The following PSD3 variants were observed in gnomAD, a reference collection of about 807,000 sequenced individuals.
The protein encoded by PSD3 is pleckstrin and Sec7 domain containing 3.
A neutral mutation model predicts 105.5 loss-of-function variants in PSD3; 49 were observed. The ratio of observed to expected loss-of-function variants is 0.46; its 90% CI spans 0.37 to 0.59. The LOEUF is 0.59. PSD3 is among the 20% of genes least tolerant of loss of function. PSD3 has a pLI of 0.00. For missense variants in PSD3, 1,561 were observed against 1,263.8 expected (o/e 1.24, Z -3.57); for synonymous variants, 557 against 457.8 (o/e 1.22, Z -2.77).
At chr8:18,695,459 G>A (rs1012417646) in intron 9 of PSD3, among the ~76,000 whole-genome samples, 1 of 152,162 alleles carries the variant, frequency 6.6e-6, no homozygotes, top group South Asian at 2.1e-4. Flanking sequence ...TATGCCAGAA[G>A]ACCCCTGAAG....
In PSD3 at chr8:18,602,824, C is replaced by G. The variant is rs1804532938; in HGVS notation, c.2411-2390G>C. Among the ~76,000 whole-genome samples the G allele has an allele frequency of 2.0e-5, 3 of 152,138 alleles. No homozygotes were observed. In the South Asian group the frequency reaches 6.2e-4, roughly 32 times the overall value. On this transcript the variant is annotated intron_variant, in intron 11 of 15. Coordinates refer to ENST00000327040, the MANE Select transcript of PSD3 (RefSeq NM_015310.4). Reference sequence around the variant, plus strand: ...TGTTGCCACTGGACCCTTGGTGAGGCTCTTCAAGCAAAACACAATGAGCTG... The same window carrying G: ...TGTTGCCACTGGACCCTTGGTGAGGGTCTTCAAGCAAAACACAATGAGCTG...
intron 12 of PSD3, among the ~76,000 whole-genome samples, chr8:18,576,990 T>G (rs988540619): frequency 6.6e-6 from 1 of 152,044 alleles, no homozygotes; most frequent in Non-Finnish European, 1.5e-5. Context: ...TTGAATTTCT[T>G]AAGATGATTA....
At chr8:18,596,202 C>T (rs1267352948) in intron 12 of PSD3, among the ~76,000 whole-genome samples, 2 of 150,936 alleles carry the variant, frequency 1.3e-5, no homozygotes, top group African/African-American at 4.9e-5. Flanking sequence ...TAATTTGAGA[C>T]CAACAAAAAT....
chr8:18,567,963 T>C (rs188269022), intron 14 of PSD3, among the ~76,000 whole-genome samples: 1 of 152,328 alleles, frequency 6.6e-6, no homozygotes, highest in Non-Finnish European at 1.5e-5. Flanking sequence ...ATGAGGTAGT[T>C]CTTGCTTTAT....
chr8:18,858,218 GAGTT>G (rs1314531909), intron 4 of PSD3, among the ~76,000 whole-genome samples: 1 of 152,158 alleles, frequency 6.6e-6, no homozygotes, highest in Non-Finnish European at 1.5e-5. Flanking sequence ...GTGCCTATAA[GAGTT>G]AGGTTTACGC....
At chr8:18,761,849 G>A (rs1401056105) in intron 9 of PSD3, among the ~76,000 whole-genome samples, 1 of 152,152 alleles carries the variant, frequency 6.6e-6, no homozygotes, top group Non-Finnish European at 1.5e-5. Context: ...GGGTTAATCA[G>A]AAACTTGTAA....
chr8:18,911,058 T>C (rs1820191347), intron 2 of PSD3, among the ~76,000 whole-genome samples: 1 of 152,124 alleles, frequency 6.6e-6, no homozygotes, highest in South Asian at 2.1e-4. Context: ...CAGTAAACTA[T>C]GATCATGCCA....
intron 11 of PSD3, among the ~76,000 whole-genome samples, chr8:18,609,974 G>A (rs1240914656): frequency 6.6e-6 from 1 of 152,214 alleles, no homozygotes; most frequent in Non-Finnish European, 1.5e-5. Flanking sequence ...GCAAGTGACA[G>A]TATTAATTAT....
At chr8:19,071,434 C>A (rs895686267) in intron 1 of PSD3, among the ~76,000 whole-genome samples, 1 of 152,238 alleles carries the variant, frequency 6.6e-6, no homozygotes, top group Non-Finnish European at 1.5e-5. Flanking sequence ...CCCTCTTCTG[C>A]CCTGTTTATG....
chr8:18,693,079 A>T (rs1325242479), intron 9 of PSD3, among the ~76,000 whole-genome samples: 1 of 152,196 alleles, frequency 6.6e-6, no homozygotes, highest in Non-Finnish European at 1.5e-5. Context: ...CATGGAGATG[A>T]TGAACTTCTC....
At position 18,583,240 on chromosome 8, in the gene PSD3, A is replaced by T. The variant is rs528749956; in HGVS notation, c.2482-7955T>A. On this transcript the variant is annotated intron_variant, in intron 12 of 15. Transcript: ENST00000327040. ...GATCGCTTAAGTTGAGGAATTCAAG[A>T]CCAGCCTGGGTAACGAAGTGAGATC... Among the ~76,000 whole-genome samples the T allele has an allele frequency of 4.6e-4, 70 of 152,262 alleles. 1 individual carries two copies. The highest frequency in any genetic ancestry group is 1.3e-3 in the African/African-American group (55 of 41,562).
chr8:18,572,292 C>T (rs1289422804), intron 14 of PSD3, among the ~76,000 whole-genome samples: 1 of 152,098 alleles, frequency 6.6e-6, no homozygotes, highest in Non-Finnish European at 1.5e-5. Flanking sequence ...TAATATAAAC[C>T]TTAGAAACTG....
intron 1 of PSD3, among the ~76,000 whole-genome samples, chr8:18,973,631 G>C (rs1824773204): frequency 6.6e-6 from 1 of 152,146 alleles, no homozygotes; most frequent in African/African-American, 2.4e-5. Flanking sequence ...TTGAACATGT[G>C]AATTTTAGGG....
intron 15 of PSD3, among the ~76,000 whole-genome samples, chr8:18,552,201 G>T (rs1382957150): frequency 6.6e-6 from 1 of 152,162 alleles, no homozygotes; most frequent in East Asian, 1.9e-4. Context: ...CAATTCCCCT[G>T]TAGTAAATCT....
chr8:18,678,246 T>C (rs1162659542), intron 9 of PSD3, among the ~76,000 whole-genome samples: 3 of 152,180 alleles, frequency 2.0e-5, no homozygotes, highest in Admixed American at 6.5e-5. Context: ...CAGGAGGATG[T>C]TGATATTTTG....
chr8:18,917,959 G>C (rs959479194), intron 2 of PSD3, among the ~76,000 whole-genome samples: 4 of 152,086 alleles, frequency 2.6e-5, no homozygotes, highest in African/African-American at 7.2e-5. Context: ...ATCCTAACAA[G>C]GTTCACTGCC....
intron 1 of PSD3, among the ~76,000 whole-genome samples, chr8:19,060,861 A>T (rs1229627690): frequency 2.0e-5 from 3 of 152,174 alleles, no homozygotes; most frequent in African/African-American, 7.2e-5. Flanking sequence ...CGAGCTTTAA[A>T]ACTGGCAAGT....
At chr8:18,669,207 A>G (rs1011088236) in intron 9 of PSD3, among the ~76,000 whole-genome samples, 35 of 152,346 alleles carry the variant, frequency 2.3e-4, no homozygotes, top group Middle Eastern at 6.8e-3. Flanking sequence ...TGTTTTTTGT[A>G]ACTACTAGAC....
intron 9 of PSD3, among the ~76,000 whole-genome samples, chr8:18,745,753 T>C (rs1008145566): frequency 2.0e-5 from 3 of 152,212 alleles, no homozygotes; most frequent in South Asian, 2.1e-4. Context: ...CATATATACA[T>C]ACCCATCATG....
Sources: gnomAD v4.1 joint callset for allele counts (sites outside exome capture counted in the v4.1 genomes callset) on GRCh38, gnomAD v4.1.1 for gene constraint, MANE v1.5 for transcripts, NCBI Gene and HGNC (gene_info 2026-07-23, HGNC 2026-07-21) for gene names.